Variants in DCAF8L2 observed in about 807,000 individuals in gnomAD.
DCAF8L2 encodes the protein DDB1 and CUL4 associated factor 8 like 2.
For synonymous variants in DCAF8L2, 200 were observed against 190.9 expected, an observed-to-expected ratio of 1.05 and a Z score of -0.39; for missense variants, 430 against 490.7, an observed-to-expected ratio of 0.88 and a Z score of 1.17.
chrX:27,645,962 A>G (rs930352165), intron 2 of DCAF8L2, among the ~76,000 whole-genome samples: 16 of 111,981 alleles, frequency 1.4e-4, no homozygotes, highest in South Asian at 7.4e-4. Context: ...CATAGGAAGA[A>G]TCAATATCAT....
chrX:27,664,675 G>A (rs1602712415), intron 2 of DCAF8L2, among the ~76,000 whole-genome samples: 1 of 112,087 alleles, frequency 8.9e-6, no homozygotes, highest in South Asian at 3.7e-4. Context: ...TGGCTTCAAA[G>A]CTTCAAAGAA....
intron 3 of DCAF8L2, among the ~76,000 whole-genome samples, chrX:27,693,748 T>C (rs1239867289): frequency 8.9e-6 from 1 of 112,067 alleles, no homozygotes; most frequent in Non-Finnish European, 1.9e-5. Flanking sequence ...AAGGAACGTT[T>C]ATACACTGAT....
chrX:27,536,720 C>G, the DCAF8L2 span, among the ~76,000 whole-genome samples: 1 of 110,954 alleles, frequency 9.0e-6, no homozygotes, highest in South Asian at 3.8e-4. Flanking sequence ...GAATTCCAGC[C>G]CACCATACAT....
intron 3 of DCAF8L2, among the ~76,000 whole-genome samples, chrX:27,704,271 T>TATACGTAC (rs1271208172): frequency 9.5e-6 from 1 of 105,567 alleles, no homozygotes; most frequent in African/African-American, 3.5e-5. Flanking sequence ...TATATACGTA[T>TATACGTAC]ATATGTACAT....
the DCAF8L2 span, among the ~76,000 whole-genome samples, chrX:27,507,905 A>G: frequency 2.7e-5 from 3 of 111,597 alleles, no homozygotes; most frequent in African/African-American, 9.7e-5. Context: ...GTATATCCTT[A>G]ATAGATACAG....
intron 2 of DCAF8L2, among the ~76,000 whole-genome samples, chrX:27,653,633 C>T (rs1929232910): frequency 9.2e-6 from 1 of 109,123 alleles, no homozygotes; most frequent in East Asian, 2.9e-4. Flanking sequence ...TATATCTAGC[C>T]TCAACTCAAT....
At chrX:27,494,530 G>A in the DCAF8L2 span, among the ~76,000 whole-genome samples, 1 of 112,421 alleles carries the variant, frequency 8.9e-6, no homozygotes, top group Non-Finnish European at 1.9e-5. Context: ...AAGTGGCTAC[G>A]TTTTTCACTT....
At chrX:27,516,056 A>C in the DCAF8L2 span, among the ~76,000 whole-genome samples, 6 of 112,463 alleles carry the variant, frequency 5.3e-5, no homozygotes, top group Middle Eastern at 4.6e-3. Flanking sequence ...ACTTGAATCT[A>C]CTGTGTATGA....
intron 3 of DCAF8L2, among the ~76,000 whole-genome samples, chrX:27,683,247 G>T (rs926207461): frequency 9.0e-5 from 10 of 111,606 alleles, no homozygotes; most frequent in African/African-American, 3.3e-4. Flanking sequence ...AGCTTCAAAT[G>T]CCCTTCCCAC....
intron 1 of DCAF8L2, among the ~76,000 whole-genome samples, chrX:27,592,338 C>G (rs1926131846): frequency 8.9e-6 from 1 of 112,207 alleles, no homozygotes; most frequent in Admixed American, 9.4e-5. Context: ...GGGGCACGTT[C>G]CTGTCAAGGG....
intron 1 of DCAF8L2, among the ~76,000 whole-genome samples, chrX:27,620,609 AC>A (rs977816036): frequency 5.3e-5 from 6 of 112,167 alleles, no homozygotes; most frequent in Non-Finnish European, 1.1e-4. Flanking sequence ...AATTAAAACT[AC>A]AATGATGTAA....
rs191485778 is a variant in DCAF8L2, at chrX:27,639,383, C to T, written c.-220+7383C>T. 1.5e-3 allele frequency among the ~76,000 whole-genome samples: 168 copies of T among 111,392 alleles called. 1 individual carries two copies. The highest frequency in any genetic ancestry group is 4.9e-3 in the African/African-American group (151 of 30,636). On this transcript the variant is annotated intron_variant, in intron 2 of 4. Transcript: ENST00000451261. ...AGACCTATTTGATAGCACAACAGGG[C>T]GACTATAGTTAATAATAACTTAATT...
the DCAF8L2 span, among the ~76,000 whole-genome samples, chrX:27,581,138 G>A: frequency 9.0e-6 from 1 of 111,502 alleles, no homozygotes; most frequent in African/African-American, 3.3e-5. Flanking sequence ...ACCTTATACG[G>A]CTTATGGCAA....
Position 27,632,158 on chromosome X carries a change from G to A in DCAF8L2, c.-220+158G>A, listed in dbSNP as rs1262928859. ...GTTGCGCTGCCGGAGGTTGAGGGAA[G>A]CTTTTCTTAATTGTGTCTTTTAAAA... On this transcript the variant is annotated intron_variant, in intron 2 of 4. Transcript: ENST00000451261. 3 of 112,070 alleles carry A rather than the reference G, an allele frequency of 2.7e-5. No homozygotes were observed. The Admixed American group carries it at 2.8e-4, about 11-fold the overall frequency. 9.2% of individuals were successfully genotyped at this position (112,070 alleles called of 1,213,427 possible). A position where few individuals can be genotyped will look rare whatever the true frequency, so the allele number is the denominator to read the frequency against.
chrX:27,748,221 T>C lies in DCAF8L2; in HGVS notation c.1326T>C (p.Asn442=). ...HDGTELLASY[N]DDDIYLFNSS... ...GCACAGAGCTGCTAGCCAGCTACAA[T>C]GATGACGATATTTACCTCTTCAACT... Residue 442 remains asparagine (N), a synonymous_variant, in exon 5 of 5, where the codon AAT becomes AAC. Coordinates refer to ENST00000451261, the MANE Select transcript of DCAF8L2 (RefSeq NM_001353450.2). The C allele has an allele frequency of 8.3e-7, 1 of 1,211,994 alleles. No homozygotes were observed. Among genetic ancestry groups the C allele is most frequent in the East Asian group, 3.0e-5 (1 of 33,854 alleles).
At chrX:27,514,338 TACAC>T in the DCAF8L2 span, among the ~76,000 whole-genome samples, 1 of 108,845 alleles carries the variant, frequency 9.2e-6, no homozygotes, top group African/African-American at 3.3e-5. Context: ...TCATTTGTCA[TACAC>T]ACACACACAA....
At chrX:27,547,881 C>T in the DCAF8L2 span, among the ~76,000 whole-genome samples, 11 of 60,507 alleles carry the variant, frequency 1.8e-4, no homozygotes, top group Non-Finnish European at 3.2e-4. Flanking sequence ...TTCTCTCTCT[C>T]TCTCTCTCTT....
rs371240150 is a variant in DCAF8L2 at position 27,681,796 on chromosome X, A to G, written c.-143+3884A>G. ...TCTTATTATAAGTGGTCTAAACTAT[A>G]TGATTGCTCAGATACTACATATTTT... is the stretch of plus-strand genomic sequence containing the variant. On this transcript the variant is annotated intron_variant, in intron 3 of 4. Transcript: ENST00000451261. Among the ~76,000 whole-genome samples the G allele has an allele frequency of 4.8e-4, 54 of 112,138 alleles. No individual in the cohort carries two copies. The South Asian group carries it at 0.019, about 40-fold the overall frequency.
At chrX:27,617,641 T>G (rs16987948) in intron 1 of DCAF8L2, among the ~76,000 whole-genome samples, 8,943 of 111,087 alleles carry the variant, frequency 0.081, 692 homozygotes, top group African/African-American at 0.24. Context: ...TAAGTTTCTG[T>G]TTTTTATTAC....
Sources: allele counts gnomAD v4.1 joint callset (sites outside exome capture counted in the v4.1 genomes callset), GRCh38; gene constraint gnomAD v4.1.1; transcripts MANE v1.5; gene names NCBI Gene and HGNC (gene_info 2026-07-23, HGNC 2026-07-21).